The following LSS variants were observed in gnomAD, a reference collection of about 807,000 sequenced individuals.
LSS encodes the protein lanosterol synthase, also known as 2,3-epoxysqualene-lanosterol cyclase.
A neutral mutation model predicts 110.3 loss-of-function variants in LSS; 90 were observed. The ratio of observed to expected loss-of-function variants is 0.82; its 90% confidence interval spans 0.69 to 0.97. LSS has a LOEUF of 0.97. LSS is among the 50% of genes least tolerant of loss of function. The pLI is 0.00. For missense variants in LSS, 927 were observed against 990.0 expected (o/e 0.94, Z 0.85); for synonymous variants, 433 against 400.0 (o/e 1.08, Z -0.98).
intron 8 of LSS, 88 bp from the exon 9 acceptor site, chr21:46,215,386 C>CG: frequency 1.3e-6 from 1 of 766,756 alleles, no homozygotes; most frequent in Non-Finnish European, 1.9e-6. Flanking sequence ...TGGACTTGCC[C>CG]TTCCCAGGGT....
At position 46,209,290 on chromosome 21, in the gene LSS, T is replaced by C. The variant is rs976276242; in HGVS notation, c.1266+264A>G. ...GCCCGTGCCTGGCCCTTGCACACAGTGGCTCCAACATGAGCAGGACGCAGA... is the reference window on the plus strand; with the variant it reads ...GCCCGTGCCTGGCCCTTGCACACAGCGGCTCCAACATGAGCAGGACGCAGA... On this transcript the variant is annotated intron_variant, in intron 13 of 21. Coordinates refer to ENST00000397728, the MANE Select transcript of LSS (RefSeq NM_002340.6). The surrounding 1 kb of genome is among the most constrained non-coding windows in gnomAD (Gnocchi z 4.4). Among the ~76,000 whole-genome samples the C allele has an allele frequency of 6.6e-6, 1 of 152,010 alleles. No homozygotes were observed. The highest frequency in any genetic ancestry group is 2.4e-5 in the African/African-American group (1 of 41,390).
rs1022032721 is a variant in LSS, at chr21:46,191,965, G to A, written c.1989-6C>T. Reference sequence around the variant, plus strand: ...GGGCCTCGATGTCAGGATGCCTGGTGGAAGAGAAGGCTGAAACACACCCAG... The same window carrying A: ...GGGCCTCGATGTCAGGATGCCTGGTAGAAGAGAAGGCTGAAACACACCCAG... On this transcript the variant is annotated splice_polypyrimidine_tract_variant and splice_region_variant and intron_variant, in intron 20 of 21. Transcript: ENST00000397728. 1 of 1,610,028 alleles carries A rather than the reference G, an allele frequency of 6.2e-7. No homozygotes were observed. Among genetic ancestry groups the A allele is most frequent in the Non-Finnish European group, 8.5e-7 (1 of 1,177,020 alleles).
intron 6 of LSS, among the ~76,000 whole-genome samples, chr21:46,217,520 T>C (rs752330360): frequency 5.9e-5 from 9 of 152,224 alleles, no homozygotes; most frequent in Non-Finnish European, 1.2e-4. Context: ...CTTGGCCCAC[T>C]TTCACACCCA....
At chr21:46,204,762 A>G (rs1159681966) in intron 17 of LSS, among the ~76,000 whole-genome samples, 1 of 152,242 alleles carries the variant, frequency 6.6e-6, no homozygotes, top group East Asian at 1.9e-4. Context: ...TGAATATTAC[A>G]TAAATTCTTC....
chr21:46,199,270 C>T (rs758737015), intron 17 of LSS, among the ~76,000 whole-genome samples: 17 of 152,132 alleles, frequency 1.1e-4, no homozygotes, highest in Non-Finnish European at 2.4e-4. Context: ...AACTATATGA[C>T]AAGATTTTAA....
chr21:46,221,749 G>A (rs1393418916), intron 5 of LSS, 105 bp downstream of exon 5: 3 of 1,507,142 alleles, frequency 2.0e-6, no homozygotes, highest in Non-Finnish European at 2.7e-6. Flanking sequence ...ATGTGCTTTT[G>A]CCCACTGTTT....
chr21:46,223,619 T>C (rs1007310229), intron 3 of LSS, among the ~76,000 whole-genome samples: 3 of 152,356 alleles, frequency 2.0e-5, no homozygotes, highest in African/African-American at 7.2e-5. Context: ...TAGAGATATA[T>C]GAATATCATT....
In LSS at chr21:46,213,046, G is replaced by T; in HGVS notation, c.1116C>A (p.Gly372=). 4.3e-6 allele frequency: 7 copies of T among 1,613,806 alleles called. No homozygotes were observed. The highest frequency in any genetic ancestry group is 5.9e-6 in the Non-Finnish European group (7 of 1,180,014). The change falls in exon 11 of 22, where the codon GGC becomes GGA. Residue 372 remains glycine (G), a synonymous_variant. Transcript: ENST00000397728. ...VSRIPDYLWM[G]LDGMKMQGTN... ...TTACCTGCATTTTCATGCCGTCAAGGCCCATCCTGTGAGGAGAAAAAAGCC... is the reference window on the plus strand; with the variant it reads ...TTACCTGCATTTTCATGCCGTCAAGTCCCATCCTGTGAGGAGAAAAAAGCC...
Position 46,205,849 on chromosome 21 carries a change from C to T in LSS, c.1657G>A (p.Ala553Thr), listed in dbSNP as rs755734167. The T allele has an allele frequency of 3.1e-6, 5 of 1,606,490 alleles. No homozygotes were observed. The highest frequency in any genetic ancestry group is 1.7e-4 in the Middle Eastern group (1 of 6,052). Reference sequence around the variant, plus strand: ...GACCCTCCTTACCGGATCTCCGCTGCCCTGTGCTCCGGGAAACGCTTGTGG... The same window carrying T: ...GACCCTCCTTACCGGATCTCCGCTGTCCTGTGCTCCGGGAAACGCTTGTGG... ...YFHKRFPEHR[A>T]AEIRETLTQG... The change falls in exon 17 of 22, where the codon GCA becomes ACA. Residue 553 changes from alanine to threonine, a missense_variant. Ala to Thr is a moderately conservative substitution (Grantham distance 58). Transcript: ENST00000397728.
chr21:46,196,734 G>T (rs953654268), intron 17 of LSS, among the ~76,000 whole-genome samples: 1 of 152,230 alleles, frequency 6.6e-6, no homozygotes, highest in Non-Finnish European at 1.5e-5. Flanking sequence ...TCACCCTGTG[G>T]GACGTGGGAC....
intron 11 of LSS, among the ~76,000 whole-genome samples, chr21:46,212,574 C>T (rs912296501): frequency 4.6e-5 from 7 of 152,228 alleles, no homozygotes; most frequent in African/African-American, 1.7e-4. Flanking sequence ...CCCACTCAGG[C>T]CAAGTCCACG....
chr21:46,196,189 G>C lies in LSS; in HGVS notation c.1736+13C>G, dbSNP rs371437528. On this transcript the variant is annotated intron_variant, in intron 18 of 21. Coordinates refer to ENST00000397728, the MANE Select transcript of LSS (RefSeq NM_002340.6). ...CCGTGCATCTCTGCACTCACGAGTG[G>C]AGGCTCACTCACCCTTCCCAGGAGC... 241 of 1,613,472 alleles carry C rather than the reference G, an allele frequency of 1.5e-4. No homozygotes were observed. Among genetic ancestry groups the C allele is most frequent in the Non-Finnish European group, 1.9e-4 (222 of 1,179,624 alleles).
chr21:46,194,812 A>C (rs188748237), intron 19 of LSS, 151 bp from the exon 20 acceptor site: 1 of 703,582 alleles, frequency 1.4e-6, no homozygotes, highest in Non-Finnish European at 2.3e-6. Flanking sequence ...CTGAAACCCG[A>C]GCTTGACTTT....
In LSS at chr21:46,207,693, C is replaced by A. The variant is rs576588816; in HGVS notation, c.1318-116G>T. On this transcript the variant is annotated intron_variant, in intron 14 of 21. Coordinates refer to ENST00000397728, the MANE Select transcript of LSS (RefSeq NM_002340.6). ...CAGAGCACCCGGTCAGGGCAGGGGC[C>A]CAGCCACCAAAGGTGTGGGTGCAGC... 193 of 1,239,952 alleles carry A rather than the reference C, an allele frequency of 1.6e-4. 2 individuals carry two copies. In the South Asian group the frequency reaches 2.7e-3, roughly 17 times the overall value. The allele number at this position is 1,239,952 out of a possible 1,614,324, so 76.8% of individuals were successfully genotyped here. A position where few individuals can be genotyped will look rare whatever the true frequency, so the allele number is the denominator to read the frequency against.
At chr21:46,203,072 C>A (rs540086614) in intron 17 of LSS, among the ~76,000 whole-genome samples, 9 of 152,136 alleles carry the variant, frequency 5.9e-5, no homozygotes, top group Non-Finnish European at 8.8e-5. Context: ...GTACTGTTGC[C>A]CACTCAGGCA....
Position 46,189,875 on chromosome 21 carries a change from G to T in LSS, c.*1229C>A. 1 of 367,586 alleles carries T rather than the reference G, an allele frequency of 2.7e-6. No homozygotes were observed. Among genetic ancestry groups the T allele is most frequent in the South Asian group, 1.9e-5 (1 of 51,722 alleles). 22.8% of individuals were successfully genotyped at this position (367,586 alleles called of 1,614,324 possible). On this transcript the variant is annotated 3_prime_UTR_variant, in exon 22 of 22. Transcript: ENST00000397728. ...CAGTCTCAGGTGGCCCTGAGCATGT[G>T]AGCTGCTCATCCACATCAGGCAAAG...
rs544825348 is a variant in LSS at position 46,196,901 on chromosome 21, C to T, written c.1671-634G>A. Among the ~76,000 whole-genome samples, 99 of 152,346 alleles carry T rather than the reference C, an allele frequency of 6.5e-4. 1 individual carries two copies. In the South Asian group the frequency reaches 0.016, roughly 25 times the overall value. ...CCATCTAGAGAGGCCCCGCAGCAGA[C>T]GGTAGTCGGCAGCTTCCAGCTGAGG... On this transcript the variant is annotated intron_variant, in intron 17 of 21. Transcript: ENST00000397728.
intron 17 of LSS, among the ~76,000 whole-genome samples, chr21:46,204,601 T>A (rs543612578): frequency 6.7e-6 from 1 of 150,248 alleles, no homozygotes; most frequent in South Asian, 2.1e-4. Context: ...CCAGCCTGAG[T>A]GAGAGAGCTA....
At chr21:46,202,544 CAAAT>C (rs750119784) in intron 17 of LSS, among the ~76,000 whole-genome samples, 9 of 152,020 alleles carry the variant, frequency 5.9e-5, no homozygotes, top group South Asian at 2.1e-4. Flanking sequence ...ACATAATACA[CAAAT>C]ACTTACTGTG....
Sources: allele counts gnomAD v4.1 joint callset (sites outside exome capture counted in the v4.1 genomes callset), GRCh38; gene constraint gnomAD v4.1.1; non-coding constraint Gnocchi (gnomAD v3.1); transcripts MANE v1.5; gene names NCBI Gene and HGNC (gene_info 2026-07-23, HGNC 2026-07-21).